UHRF2: variants seen among roughly 807,000 people sequenced by gnomAD.
UHRF2 encodes ubiquitin like with PHD and ring finger domains 2, also known as E3 ubiquitin-protein ligase UHRF2.
UHRF2 carries 23 observed loss-of-function variants against 96.8 expected under a neutral mutation model. That is an observed-to-expected ratio of 0.24 (90% CI 0.17 to 0.34). The LOEUF is 0.34. Ranked by LOEUF, UHRF2 falls within the 10% of genes least tolerant of loss-of-function variation. The pLI is 1.00. For synonymous variants in UHRF2, 385 were observed against 332.6 expected (o/e 1.16, Z -1.72); for missense variants, 685 against 981.5 (o/e 0.70, Z 4.04).
At chr9:6,503,093 C>G (rs1403943560) in intron 14 of UHRF2, among the ~76,000 whole-genome samples, 3 of 152,172 alleles carry the variant, frequency 2.0e-5, no homozygotes, top group East Asian at 1.9e-4. Flanking sequence ...CTCCTGGGTT[C>G]AAGTGATTCT....
intron 9 of UHRF2, among the ~76,000 whole-genome samples, chr9:6,491,935 G>A (rs1419468572): frequency 6.6e-6 from 1 of 152,160 alleles, no homozygotes; most frequent in Non-Finnish European, 1.5e-5. Flanking sequence ...GTCTCGCTAT[G>A]TCACCCAGGC....
Position 6,506,280 on chromosome 9 carries a change from G to A in UHRF2, c.*101G>A, listed in dbSNP as rs886952962. ...AGAAATGGTGGACTGTATCTCTCAC[G>A]TTCTGAAGCAGCTAATCCTCTTTCC... On this transcript the variant is annotated 3_prime_UTR_variant, in exon 16 of 16. Coordinates refer to ENST00000276893, the MANE Select transcript of UHRF2 (RefSeq NM_152896.3). 7.5e-6 allele frequency: 11 copies of A among 1,461,764 alleles called. No individual in the cohort carries two copies. Among genetic ancestry groups the A allele is most frequent in the South Asian group, 5.4e-5 (4 of 74,700 alleles). 90.5% of individuals were successfully genotyped at this position (1,461,764 alleles called of 1,614,324 possible). A position where few individuals can be genotyped will look rare whatever the true frequency, so the allele number is the denominator to read the frequency against.
Position 6,431,939 on chromosome 9 carries a change from C to A in UHRF2, c.385-1975C>A, listed in dbSNP as rs114049623. On this transcript the variant is annotated intron_variant, in intron 2 of 15. Transcript: ENST00000276893. ...TTTTTATAGTAATATATGAAACTTA[C>A]ATTTTGATTTGCTGCGACAGAGTAG... 1.5e-3 allele frequency among the ~76,000 whole-genome samples: 227 copies of A among 152,280 alleles called. 2 individuals carry two copies. Among genetic ancestry groups the A allele is most frequent in the African/African-American group, 5.2e-3 (214 of 41,552 alleles).
chr9:6,463,783 T>G (rs1822703622), intron 4 of UHRF2, among the ~76,000 whole-genome samples: 1 of 152,198 alleles, frequency 6.6e-6, no homozygotes, highest in Admixed American at 6.5e-5. Context: ...AAAAAATTTT[T>G]TTTTTTAATG....
At chr9:6,460,545 TA>T in intron 3 of UHRF2, 27 bp from the exon 4 acceptor site, 2 of 1,554,186 alleles carry the variant, frequency 1.3e-6, no homozygotes, top group Non-Finnish European at 1.7e-6. Context: ...TTGGTAATCA[TA>T]AGCCATATGG....
intron 3 of UHRF2, among the ~76,000 whole-genome samples, chr9:6,434,597 C>G (rs912126617): frequency 2.0e-5 from 3 of 151,888 alleles, no homozygotes; most frequent in Non-Finnish European, 4.4e-5. Context: ...TATCACCACG[C>G]CTGATTAATT....
chr9:6,417,975 C>T (rs1009420071), intron 1 of UHRF2, among the ~76,000 whole-genome samples: 1 of 152,182 alleles, frequency 6.6e-6, no homozygotes, highest in Non-Finnish European at 1.5e-5. Context: ...ATCACTTTAA[C>T]TGCTATCTTC....
chr9:6,487,140 A>C (rs956756992), intron 9 of UHRF2, among the ~76,000 whole-genome samples: 1 of 147,628 alleles, frequency 6.8e-6, no homozygotes, highest in Non-Finnish European at 1.5e-5. Flanking sequence ...AGTGATTATT[A>C]TAAGGAAAAC....
chr9:6,470,755 T>A (rs1823196724), intron 4 of UHRF2, among the ~76,000 whole-genome samples: 1 of 152,226 alleles, frequency 6.6e-6, no homozygotes. Context: ...ATATCAGGTT[T>A]GCACAGTCCA....
chr9:6,486,767 A>T, intron 8 of UHRF2, 54 bp from the exon 9 acceptor site: 1 of 1,551,166 alleles, frequency 6.4e-7, no homozygotes, highest in Non-Finnish European at 8.8e-7. Context: ...GCATTTTGTA[A>T]ATGTATCTTA....
chr9:6,413,711 C>G (rs977422125), intron 1 of UHRF2, 68 bp downstream of exon 1: 7 of 1,401,272 alleles, frequency 5.0e-6, no homozygotes, highest in South Asian at 4.5e-5. Flanking sequence ...CTGGACGCAC[C>G]GGTCCGAGGG....
intron 9 of UHRF2, among the ~76,000 whole-genome samples, chr9:6,493,528 A>G (rs1339434222): frequency 1.3e-5 from 2 of 152,196 alleles, no homozygotes; most frequent in Non-Finnish European, 2.9e-5. Context: ...TTAAATCCAT[A>G]AGACCTTACC....
intron 3 of UHRF2, among the ~76,000 whole-genome samples, chr9:6,451,419 C>G (rs774279643): frequency 2.6e-5 from 4 of 151,836 alleles, no homozygotes; most frequent in Non-Finnish European, 5.9e-5. Flanking sequence ...AGAAATTGAG[C>G]TTCCATCCTG....
intron 3 of UHRF2, among the ~76,000 whole-genome samples, chr9:6,455,048 T>C (rs401733): frequency 0.55 from 83,574 of 152,074 alleles, 23,658 homozygotes; most frequent in Non-Finnish European, 0.61. Flanking sequence ...CTTTGATAGA[T>C]TGAGCTTTTT....
intron 3 of UHRF2, among the ~76,000 whole-genome samples, chr9:6,446,638 C>G (rs1316870177): frequency 6.6e-6 from 1 of 151,476 alleles, no homozygotes; most frequent in Non-Finnish European, 1.5e-5. Flanking sequence ...CACTTGGGGA[C>G]GACAGGCGTT....
chr9:6,422,510 A>C, intron 2 of UHRF2: 1 of 426,418 alleles, frequency 2.3e-6, no homozygotes. Flanking sequence ...ATGGGATTCT[A>C]TGGAGATTGC....
At chr9:6,427,334 A>G (rs939119752) in intron 2 of UHRF2, among the ~76,000 whole-genome samples, 1 of 152,182 alleles carries the variant, frequency 6.6e-6, no homozygotes, top group Non-Finnish European at 1.5e-5. Flanking sequence ...ACAAAAGATG[A>G]ATTTTCAAAT....
chr9:6,460,596 A>T lies in UHRF2; in HGVS notation c.668A>T (p.Glu223Val). 6.2e-7 allele frequency: 1 copy of T among 1,608,580 alleles called. No individual in the cohort carries two copies. The highest frequency in any genetic ancestry group is 8.5e-7 in the Non-Finnish European group (1 of 1,176,762). Residue 223 changes from glutamate (E) to valine (V), a missense_variant, in exon 4 of 16, where the codon GAA (glutamate) becomes GTA (valine). Physicochemically the swap from Glu to Val is moderately radical, Grantham distance 121 (BLOSUM62 -2). Coordinates refer to ENST00000276893, the MANE Select transcript of UHRF2 (RefSeq NM_152896.3). The part of the protein sequence containing the change: ...YDEYPESGTL[E>V]MNVKDLRPRA... ...AGATACCCAGAAAGCGGTACTCTAG[A>T]AATGAATGTCAAGGATCTTAGACCA...
At chr9:6,424,625 TAA>T (rs1820136228) in intron 2 of UHRF2, among the ~76,000 whole-genome samples, 1 of 152,184 alleles carries the variant, frequency 6.6e-6, no homozygotes, top group African/African-American at 2.4e-5. Flanking sequence ...CTTAAGATCT[TAA>T]GTTAGTGTGG....
Sources: gnomAD v4.1 joint callset for allele counts (sites outside exome capture counted in the v4.1 genomes callset) on GRCh38, gnomAD v4.1.1 for gene constraint, MANE v1.5 for transcripts, NCBI Gene and HGNC (gene_info 2026-07-23, HGNC 2026-07-21) for gene names.